ZCWPW2: variants seen among roughly 807,000 people sequenced by gnomAD.
The protein encoded by ZCWPW2 is zinc finger CW-type and PWWP domain containing 2.
A neutral mutation model predicts 46.6 loss-of-function variants in ZCWPW2; 45 were observed. The ratio of observed to expected loss-of-function variants is 0.96; its 90% CI spans 0.76 to 1.24. The LOEUF is 1.24. ZCWPW2 is among the 50% of genes most tolerant of loss of function. The pLI is 0.00. For missense variants in ZCWPW2, 429 were observed against 403.9 expected (o/e 1.06, Z -0.53); for synonymous variants, 152 against 137.1 (o/e 1.11, Z -0.76).
At chr3:28,491,880 G>C (rs112398267) in intron 5 of ZCWPW2, among the ~76,000 whole-genome samples, 2 of 151,992 alleles carry the variant, frequency 1.3e-5, no homozygotes, top group East Asian at 3.9e-4. Flanking sequence ...CATCCAACTA[G>C]CCAACTTTAA....
intron 6 of ZCWPW2, among the ~76,000 whole-genome samples, chr3:28,509,177 T>G (rs1448872004): frequency 6.6e-6 from 1 of 152,204 alleles, no homozygotes; most frequent in Non-Finnish European, 1.5e-5. Context: ...ACTTCATCAT[T>G]TTTAATGGCT....
At position 28,387,342 on chromosome 3, in the gene ZCWPW2, A is replaced by AT. The variant is rs1292432468; in HGVS notation, c.-133-3149dup. Among the ~76,000 whole-genome samples, 5 of 152,074 alleles carry AT rather than the reference A, an allele frequency of 3.3e-5. No homozygotes were observed. The South Asian group carries it at 6.2e-4, about 19-fold the overall frequency. On this transcript the variant is annotated intron_variant, in intron 1 of 9. Transcript: ENST00000383768. ...TCATTTCTACAGATCTGAGGGTACT[A>AT]TTTTTTTAAAAAATTATATATTTTA...
intron 6 of ZCWPW2, among the ~76,000 whole-genome samples, chr3:28,498,247 G>GTGTC (rs1431252595): frequency 3.3e-5 from 5 of 150,108 alleles, no homozygotes; most frequent in African/African-American, 7.4e-5. Context: ...ACGTGTGTGT[G>GTGTC]TGTGTGTGTG....
chr3:28,393,185 T>A (rs1280864961), intron 2 of ZCWPW2, among the ~76,000 whole-genome samples: 1 of 151,820 alleles, frequency 6.6e-6, no homozygotes, highest in Non-Finnish European at 1.5e-5. Flanking sequence ...TGACAACAAA[T>A]TGGATAAGCT....
intron 1 of ZCWPW2, among the ~76,000 whole-genome samples, chr3:28,362,569 A>C (rs1704980592): frequency 6.6e-6 from 1 of 152,194 alleles, no homozygotes; most frequent in Non-Finnish European, 1.5e-5. Context: ...AAGGTAAAAA[A>C]ATGACAGATG....
Position 28,478,873 on chromosome 3 carries a change from A to G in ZCWPW2, c.552A>G (p.Leu184=), listed in dbSNP as rs1435587806. ...WYKSALQEAC[L]LYGYSHEQRL... ...AAAGTGCACTACAAGAAGCATGTCT[A>G]CTCTATGGATATTCTCATGAGCAAA... Residue 184 remains leucine (L), a synonymous_variant, in exon 5 of 10, where the codon CTA becomes CTG. Coordinates refer to ENST00000383768, the MANE Select transcript of ZCWPW2 (RefSeq NM_001040432.4). 2 of 1,590,058 alleles carry G rather than the reference A, an allele frequency of 1.3e-6. No individual in the cohort carries two copies. The highest frequency in any genetic ancestry group is 1.7e-6 in the Non-Finnish European group (2 of 1,171,396).
intron 4 of ZCWPW2, among the ~76,000 whole-genome samples, chr3:28,475,938 ATAT>A (rs1356790218): frequency 1.3e-5 from 2 of 152,042 alleles, no homozygotes; most frequent in African/African-American, 4.8e-5. Context: ...TGCTTGTTAT[ATAT>A]TGTCTCTTCT....
In ZCWPW2 at chr3:28,497,934, C is replaced by G. The variant is rs62250308; in HGVS notation, c.657+5761C>G. Among the ~76,000 whole-genome samples, 898 of 152,190 alleles carry G rather than the reference C, an allele frequency of 5.9e-3. 10 individuals are homozygous for G. The highest frequency in any genetic ancestry group is 0.02 in the Admixed American group (301 of 15,240). On this transcript the variant is annotated intron_variant, in intron 6 of 9. Coordinates refer to ENST00000383768, the MANE Select transcript of ZCWPW2 (RefSeq NM_001040432.4). Reference sequence around the variant, plus strand: ...GACTCTGAGTAAGTCACACTAATCTCTCTGAGTTCCACTTGATAAAAAGGA... The same window carrying G: ...GACTCTGAGTAAGTCACACTAATCTGTCTGAGTTCCACTTGATAAAAAGGA...
intron 2 of ZCWPW2, among the ~76,000 whole-genome samples, chr3:28,401,061 C>G (rs559269905): frequency 1.3e-5 from 2 of 151,974 alleles, no homozygotes; most frequent in Non-Finnish European, 2.9e-5. Flanking sequence ...CGCCTGTAGT[C>G]CCAGCTACTC....
At chr3:28,397,658 A>G (rs541328830) in intron 2 of ZCWPW2, among the ~76,000 whole-genome samples, 1 of 152,246 alleles carries the variant, frequency 6.6e-6, no homozygotes, top group Non-Finnish European at 1.5e-5. Context: ...TGACAGAATG[A>G]GACTTTATCT....
intron 5 of ZCWPW2, among the ~76,000 whole-genome samples, chr3:28,484,974 C>T (rs1699547161): frequency 1.3e-5 from 2 of 151,884 alleles, no homozygotes; most frequent in South Asian, 2.1e-4. Context: ...CTTCTAGTTT[C>T]CAAAGTAAAA....
At chr3:28,462,792 G>A (rs1054509305) in intron 4 of ZCWPW2, among the ~76,000 whole-genome samples, 2 of 144,928 alleles carry the variant, frequency 1.4e-5, no homozygotes, top group African/African-American at 2.4e-5. Flanking sequence ...AAACCCTTAT[G>A]TATTTTTTTC....
At chr3:28,404,772 C>T (rs1000379664) in intron 2 of ZCWPW2, among the ~76,000 whole-genome samples, 1 of 152,154 alleles carries the variant, frequency 6.6e-6, no homozygotes, top group African/African-American at 2.4e-5. Context: ...AGTGATGTAA[C>T]TCAGGAATGG....
intron 1 of ZCWPW2, among the ~76,000 whole-genome samples, chr3:28,380,946 A>ATATATTTGG (rs540488402): frequency 3.7e-4 from 13 of 34,786 alleles, no homozygotes; most frequent in African/African-American, 1.6e-3. Context: ...ATATATATAT[A>ATATATTTGG]TATATATATA....
At chr3:28,509,825 T>G (rs1700379225) in intron 6 of ZCWPW2, among the ~76,000 whole-genome samples, 1 of 152,220 alleles carries the variant, frequency 6.6e-6, no homozygotes, top group South Asian at 2.1e-4. Context: ...TTTAAAATGT[T>G]GATGACATCC....
At chr3:28,350,947 T>C (rs972651667) in intron 1 of ZCWPW2, among the ~76,000 whole-genome samples, 2 of 151,856 alleles carry the variant, frequency 1.3e-5, no homozygotes, top group African/African-American at 2.4e-5. Flanking sequence ...CTTGATTCCA[T>C]TGAAATTTAT....
In ZCWPW2 at chr3:28,373,071, T is replaced by G. The variant is rs146341937; in HGVS notation, c.-133-17427T>G. 2.5e-3 allele frequency among the ~76,000 whole-genome samples: 375 copies of G among 152,324 alleles called. 10 individuals carry two copies. In the East Asian group the frequency reaches 0.041, roughly 17 times the overall value. ...TATCTATTCACCCATTGATAGACACTTAGGGTGATTCCATAATTTGGCTAT... is the reference window on the plus strand; with the variant it reads ...TATCTATTCACCCATTGATAGACACGTAGGGTGATTCCATAATTTGGCTAT... On this transcript the variant is annotated intron_variant, in intron 1 of 9. Transcript: ENST00000383768.
intron 1 of ZCWPW2, among the ~76,000 whole-genome samples, chr3:28,388,384 C>A (rs1575077230): frequency 6.6e-6 from 1 of 152,302 alleles, no homozygotes; most frequent in South Asian, 2.1e-4. Flanking sequence ...TAATCTGCCA[C>A]TAAAGACTCT....
rs903358244 is a variant in ZCWPW2, at chr3:28,413,356, C to G, written c.288C>G (p.Leu96=). 2.5e-6 allele frequency: 4 copies of G among 1,611,516 alleles called. No homozygotes were observed. Among genetic ancestry groups the G allele is most frequent in the Non-Finnish European group, 3.4e-6 (4 of 1,178,232 alleles). The change falls in exon 3 of 10, where the codon CTC becomes CTG. Residue 96 remains leucine (L), a synonymous_variant. Transcript: ENST00000383768. ...QCGFKIVYSQ[L]PLGSLVLVKL... is the part of the protein sequence containing the mutation. Reference sequence around the variant, plus strand: ...GATTTAAGATTGTCTATTCACAGCTCCCTCTTGGAAGCCTGGTTTTGGTAA... The same window carrying G: ...GATTTAAGATTGTCTATTCACAGCTGCCTCTTGGAAGCCTGGTTTTGGTAA...
Sources: gnomAD v4.1 joint callset for allele counts (sites outside exome capture counted in the v4.1 genomes callset) on GRCh38, gnomAD v4.1.1 for gene constraint, MANE v1.5 for transcripts, NCBI Gene and HGNC (gene_info 2026-07-23, HGNC 2026-07-21) for gene names.